MCC: variants seen among roughly 807,000 people sequenced by gnomAD.
MCC encodes the protein colorectal mutant cancer protein.
Under a neutral mutation model 116.2 loss-of-function variants are expected in MCC, and 90 were observed. That is an observed-to-expected ratio of 0.77 (90% CI 0.65 to 0.92). MCC has a LOEUF of 0.92. Ranked by LOEUF, MCC falls within the 40% of genes least tolerant of loss-of-function variation. MCC has a pLI of 0.00. For missense variants in MCC, 1,516 were observed against 1,312.2 expected, an observed-to-expected ratio of 1.16 and a Z score of -2.40; for synonymous variants, 578 against 510.5, an observed-to-expected ratio of 1.13 and a Z score of -1.78.
At chr5:113,101,598 G>T in intron 8 of MCC, 141 bp downstream of exon 8, 1 of 772,424 alleles carries the variant, frequency 1.3e-6, no homozygotes, top group Admixed American at 2.5e-5. Flanking sequence ...TTTCAAGAAG[G>T]ACTTCATAAC....
chr5:113,483,890 G>T (rs979957305), intron 1 of MCC, among the ~76,000 whole-genome samples: 1 of 152,058 alleles, frequency 6.6e-6, no homozygotes, highest in African/African-American at 2.4e-5. Flanking sequence ...CGCGTCCTTT[G>T]CAAGGACATG....
At chr5:113,472,422 G>A (rs1772119327) in intron 1 of MCC, among the ~76,000 whole-genome samples, 1 of 152,088 alleles carries the variant, frequency 6.6e-6, no homozygotes, top group African/African-American at 2.4e-5. Flanking sequence ...TTCCTAAGCA[G>A]TTTGCATTTT....
At chr5:113,355,119 C>G (rs1467356381) in intron 2 of MCC, among the ~76,000 whole-genome samples, 1 of 151,936 alleles carries the variant, frequency 6.6e-6, no homozygotes, top group Non-Finnish European at 1.5e-5. Context: ...TGTATTTTGA[C>G]AATCAAAAAA....
intron 3 of MCC, among the ~76,000 whole-genome samples, chr5:113,229,131 G>C (rs915958866): frequency 1.3e-5 from 2 of 152,134 alleles, no homozygotes; most frequent in African/African-American, 4.8e-5. Context: ...GGTGAGAAGA[G>C]GTGGAAGGAC....
chr5:113,119,667 C>G (rs898573524), intron 6 of MCC, among the ~76,000 whole-genome samples: 6 of 152,054 alleles, frequency 3.9e-5, no homozygotes, highest in African/African-American at 1.5e-4. Flanking sequence ...ATCCCCAGTA[C>G]CTAGCACAGC....
intron 13 of MCC, among the ~76,000 whole-genome samples, chr5:113,066,210 T>A (rs764328817): frequency 6.6e-6 from 1 of 152,178 alleles, no homozygotes; most frequent in African/African-American, 2.4e-5. Context: ...ACTGAGTAGG[T>A]ACATGCCTAA....
At chr5:113,174,512 T>C (rs1486769066) in intron 3 of MCC, among the ~76,000 whole-genome samples, 2 of 152,090 alleles carry the variant, frequency 1.3e-5, no homozygotes, top group Non-Finnish European at 2.9e-5. Flanking sequence ...ATAAATACAC[T>C]GACATATCCA....
At chr5:113,077,047 A>G (rs2150238518) in intron 11 of MCC, among the ~76,000 whole-genome samples, 1 of 152,302 alleles carries the variant, frequency 6.6e-6, no homozygotes, top group Admixed American at 6.5e-5. Context: ...ACAAAGATCA[A>G]AAGAGACAAA....
At chr5:113,167,695 A>T (rs1581190524) in intron 3 of MCC, among the ~76,000 whole-genome samples, 1 of 152,258 alleles carries the variant, frequency 6.6e-6, no homozygotes, top group East Asian at 1.9e-4. Context: ...CAGTGGCATC[A>T]TCAAGGCTCA....
intron 1 of MCC, among the ~76,000 whole-genome samples, chr5:113,454,173 T>C (rs769771379): frequency 2.4e-4 from 37 of 152,258 alleles, no homozygotes; most frequent in African/African-American, 7.9e-4. Context: ...CCTAAGATCA[T>C]AGCTCGATGC....
intron 1 of MCC, among the ~76,000 whole-genome samples, chr5:113,405,340 T>C (rs757529984): frequency 5.9e-5 from 9 of 152,230 alleles, no homozygotes; most frequent in African/African-American, 9.6e-5. Flanking sequence ...AGGTGACTTA[T>C]GTAATAAGAG....
At chr5:113,431,767 G>GT (rs1554083112) in intron 1 of MCC, among the ~76,000 whole-genome samples, 63 of 124,478 alleles carry the variant, frequency 5.1e-4, no homozygotes, top group African/African-American at 1.9e-3. Context: ...AGGCCAAGGG[G>GT]GGGGGGGGGT....
chr5:113,132,697 T>C (rs1758535712), intron 5 of MCC, among the ~76,000 whole-genome samples: 1 of 152,188 alleles, frequency 6.6e-6, no homozygotes, highest in African/African-American at 2.4e-5. Context: ...GACTGACTTG[T>C]ATTTGGCCTG....
chr5:113,077,958 A>T (rs1259839569), intron 11 of MCC, among the ~76,000 whole-genome samples: 2 of 152,342 alleles, frequency 1.3e-5, no homozygotes, highest in Middle Eastern at 3.4e-3. Flanking sequence ...CGCAATAAAA[A>T]ATAATAAAGG....
intron 3 of MCC, among the ~76,000 whole-genome samples, chr5:113,277,099 T>C (rs1345946471): frequency 6.6e-6 from 1 of 151,892 alleles, no homozygotes; most frequent in Admixed American, 6.6e-5. Flanking sequence ...TCCCAGCACT[T>C]TGGGAGGCCT....
chr5:113,203,649 A>G (rs1372104998), intron 3 of MCC, among the ~76,000 whole-genome samples: 2 of 152,202 alleles, frequency 1.3e-5, no homozygotes, highest in Non-Finnish European at 2.9e-5. Flanking sequence ...ACCCACATTC[A>G]ACCACTCAAC....
intron 3 of MCC, among the ~76,000 whole-genome samples, chr5:113,167,524 C>T (rs1760833530): frequency 6.6e-6 from 1 of 152,128 alleles, no homozygotes; most frequent in African/African-American, 2.4e-5. Context: ...AGAGAATCAC[C>T]ACTTTAAATT....
Position 113,104,179 on chromosome 5 carries a change from G to A in MCC, c.1191+13C>T, listed in dbSNP as rs541142582. 32 of 1,598,452 alleles carry A rather than the reference G, an allele frequency of 2.0e-5. No homozygotes were observed. In the East Asian group the frequency reaches 3.8e-4, roughly 19 times the overall value. On this transcript the variant is annotated intron_variant, in intron 7 of 18. Coordinates refer to ENST00000408903, the MANE Select transcript of MCC (RefSeq NM_001085377.2). ...AACCTCAAAGGGCCTCACAGAGGGT[G>A]AGGAAGGTCTACCTTAATAGCCAGG...
chr5:113,149,698 G>T (rs1759734637), intron 4 of MCC, among the ~76,000 whole-genome samples: 2 of 151,918 alleles, frequency 1.3e-5, no homozygotes, highest in African/African-American at 4.8e-5. Context: ...TACCAGCCTG[G>T]TATTAAAATT....
Sources: allele counts gnomAD v4.1 joint callset (sites outside exome capture counted in the v4.1 genomes callset), GRCh38; gene constraint gnomAD v4.1.1; transcripts MANE v1.5; gene names NCBI Gene and HGNC (gene_info 2026-07-23, HGNC 2026-07-21).